The following TTC6 variants were observed in gnomAD, a reference collection of about 807,000 sequenced individuals.
TTC6 encodes the protein tetratricopeptide repeat protein 6.
Under a neutral mutation model 210.4 loss-of-function variants are expected in TTC6, and 172 were observed. The observed-to-expected ratio is 0.82, with a 90% confidence interval of 0.72 to 0.93. The LOEUF is 0.93. Ranked by LOEUF, TTC6 falls within the 40% of genes least tolerant of loss-of-function variation. The probability of loss-of-function intolerance (pLI) is 0.00; values close to 1 mark genes in which losing one functional copy is unlikely to be tolerated. For missense variants in TTC6, 2,414 were observed against 2,318.1 expected (o/e 1.04, Z -0.85); for synonymous variants, 804 against 819.6 (o/e 0.98, Z 0.32).
intron 4 of TTC6, among the ~76,000 whole-genome samples, chr14:37,697,831 G>A (rs994029575): frequency 6.6e-6 from 1 of 152,094 alleles, no homozygotes; most frequent in Non-Finnish European, 1.5e-5. Context: ...TATCAATGAA[G>A]CAGAAACTTC....
intron 14 of TTC6, among the ~76,000 whole-genome samples, chr14:37,783,418 A>G (rs1227432831): frequency 6.6e-6 from 1 of 151,972 alleles, no homozygotes; most frequent in African/African-American, 2.4e-5. Context: ...TTATTTGCAT[A>G]GAGATGTTTA....
intron 10 of TTC6, 119 bp downstream of exon 12, chr14:37,739,274 C>T: frequency 9.4e-7 from 1 of 1,064,934 alleles, no homozygotes; most frequent in East Asian, 2.8e-5. Context: ...GAACCTTTCA[C>T]TCTTTGAAAG....
chr14:37,754,326 G>C (rs68016111), intron 14 of TTC6, among the ~76,000 whole-genome samples: 31,361 of 152,006 alleles, frequency 0.21, 3,663 homozygotes, highest in East Asian at 0.43. Flanking sequence ...TTATAAGTGA[G>C]AACATCCGGT....
chr14:37,772,191 C>A (rs61977137), intron 14 of TTC6, among the ~76,000 whole-genome samples: 36,356 of 152,050 alleles, frequency 0.24, 4,672 homozygotes, highest in South Asian at 0.29. Flanking sequence ...GCTGGGAGAA[C>A]CACTGCTCTC....
chr14:37,791,027 T>C (rs1036373549), intron 16 of TTC6, among the ~76,000 whole-genome samples, 190 bp downstream of exon 18: 3 of 152,186 alleles, frequency 2.0e-5, no homozygotes, highest in African/African-American at 7.2e-5. Flanking sequence ...GTTCTCAACA[T>C]CTGTTTGCCT....
chr14:37,817,651 GGTA>G lies in TTC6; in HGVS notation c.4763+1_4763+3del, dbSNP rs775912826. 6.2e-7 allele frequency: 1 copy of G among 1,613,888 alleles called. No homozygotes were observed. Among genetic ancestry groups the G allele is most frequent in the Admixed American group, 1.7e-5 (1 of 60,014 alleles). On this transcript the variant is annotated splice_donor_variant and splice_donor_region_variant and intron_variant, in intron 26 of 30. Coordinates refer to ENST00000553443, the Ensembl canonical transcript of TTC6. LOFTEE classifies it high-confidence loss of function. ...CACGCCACTGCCATGTGCCATCACA[GGTA>G]TGGAGTGCAATTGATGTCAAAGTGG...
At chr14:37,724,905 C>T (rs2095868673) in exon 7 of TTC6, 2 of 1,518,852 alleles carry the variant, frequency 1.3e-6, no homozygotes, top group Non-Finnish European at 8.8e-7. Flanking sequence ...AAGATGTATG[C>T]TTATCCAGAA....
intron 20 of TTC6, among the ~76,000 whole-genome samples, chr14:37,803,562 A>T (rs2139399049): frequency 6.6e-6 from 1 of 152,226 alleles, no homozygotes; most frequent in South Asian, 2.1e-4. Flanking sequence ...TGAGTAGACA[A>T]GTTTTAATGG....
chr14:37,766,684 G>A (rs930008201), intron 14 of TTC6, among the ~76,000 whole-genome samples: 2 of 152,120 alleles, frequency 1.3e-5, no homozygotes, highest in Non-Finnish European at 2.9e-5. Flanking sequence ...ACATGCATGT[G>A]TCTTTATGGT....
At chr14:37,784,040 T>C (rs965625333) in intron 14 of TTC6, among the ~76,000 whole-genome samples, 2 of 152,212 alleles carry the variant, frequency 1.3e-5, no homozygotes, top group Non-Finnish European at 2.9e-5. Flanking sequence ...TGAGGAATGC[T>C]TTACTTCGAA....
intron 20 of TTC6, among the ~76,000 whole-genome samples, chr14:37,799,345 A>G (rs1285371905): frequency 6.6e-6 from 1 of 151,266 alleles, no homozygotes; most frequent in East Asian, 1.9e-4. Flanking sequence ...TTTTCTCTTT[A>G]CTCTGGCACA....
intron 1 of TTC6, among the ~76,000 whole-genome samples, chr14:37,665,631 A>G (rs553410826): frequency 6.6e-6 from 1 of 150,740 alleles, no homozygotes; most frequent in South Asian, 2.1e-4. Flanking sequence ...CACGTCCTGC[A>G]CATGTACCCA....
chr14:37,733,237 A>G (rs763123965), intron 7 of TTC6, among the ~76,000 whole-genome samples: 2 of 152,182 alleles, frequency 1.3e-5, no homozygotes, highest in African/African-American at 2.4e-5. Context: ...CTTAGCTTTT[A>G]AAGTCCAAAC....
chr14:37,800,831 TAGAC>T (rs2096104803), intron 20 of TTC6, among the ~76,000 whole-genome samples: 1 of 152,182 alleles, frequency 6.6e-6, no homozygotes, highest in African/African-American at 2.4e-5. Context: ...AATTTGGACT[TAGAC>T]AGAGAGAGTA....
chr14:37,691,492 A>G lies in TTC6; in HGVS notation c.1258-5225A>G, dbSNP rs145920164. On this transcript the variant is annotated intron_variant, in intron 3 of 30. Transcript: ENST00000553443. Reference sequence around the variant, plus strand: ...GAAGGAAATTGAAAAATTTTTTTGAAACAAATGATAATGGAAACATAACAT... The same window carrying G: ...GAAGGAAATTGAAAAATTTTTTTGAGACAAATGATAATGGAAACATAACAT... Among the ~76,000 whole-genome samples, 92 of 152,304 alleles carry G rather than the reference A, an allele frequency of 6.0e-4. No individual in the cohort carries two copies. In the East Asian group the frequency reaches 0.015, roughly 25 times the overall value.
chr14:37,770,708 A>T (rs926620762), intron 14 of TTC6, among the ~76,000 whole-genome samples: 1 of 148,842 alleles, frequency 6.7e-6, no homozygotes, highest in Non-Finnish European at 1.5e-5. Flanking sequence ...TCTGCACGTG[A>T]GATGGGTTTC....
At chr14:37,799,624 C>A (rs2096101313) in intron 20 of TTC6, among the ~76,000 whole-genome samples, 1 of 152,006 alleles carries the variant, frequency 6.6e-6, no homozygotes, top group South Asian at 2.1e-4. Context: ...CCCTTCCTGG[C>A]CTTAAAAAAG....
chr14:37,759,649 G>A (rs1002785574), intron 14 of TTC6, among the ~76,000 whole-genome samples: 4 of 152,156 alleles, frequency 2.6e-5, no homozygotes, highest in African/African-American at 9.7e-5. Flanking sequence ...TCAATCGTAG[G>A]TTTGGTCTTT....
At chr14:37,771,443 A>G (rs527524608) in intron 14 of TTC6, among the ~76,000 whole-genome samples, 3 of 152,278 alleles carry the variant, frequency 2.0e-5, no homozygotes, top group Admixed American at 6.5e-5. Context: ...AGGTACACCA[A>G]TCGGACGTAG....
Sources: gnomAD v4.1 joint callset for allele counts (sites outside exome capture counted in the v4.1 genomes callset) on GRCh38, gnomAD v4.1.1 for gene constraint, MANE v1.5 for transcripts, NCBI Gene and HGNC (gene_info 2026-07-23, HGNC 2026-07-21) for gene names.